The following TMEM132D variants were observed in gnomAD, a reference collection of about 807,000 sequenced individuals.
TMEM132D encodes transmembrane protein 132D.
In TMEM132D, 21 loss-of-function variants were observed where a neutral mutation model predicts 62.3. The ratio of observed to expected loss-of-function variants is 0.34; its 90% confidence interval spans 0.24 to 0.49. The LOEUF (loss-of-function observed/expected upper bound fraction) is 0.49, where lower values mean the gene tolerates loss of function less well. Ranked by LOEUF, TMEM132D falls within the 20% of genes least tolerant of loss-of-function variation. The pLI is 0.99. For synonymous variants in TMEM132D, 621 were observed against 575.6 expected, an observed-to-expected ratio of 1.08 and a Z score of -1.13; for missense variants, 1,346 against 1,402.8, an observed-to-expected ratio of 0.96 and a Z score of 0.65.
At chr12:129,430,567 A>C (rs1872627777) in intron 3 of TMEM132D, among the ~76,000 whole-genome samples, 2 of 152,104 alleles carry the variant, frequency 1.3e-5, no homozygotes, top group Non-Finnish European at 2.9e-5. Flanking sequence ...ACTCCCAAAG[A>C]GCTAGATTAC....
chr12:129,334,514 A>G (rs538101586), intron 4 of TMEM132D, among the ~76,000 whole-genome samples: 3 of 152,332 alleles, frequency 2.0e-5, no homozygotes, highest in South Asian at 4.2e-4. Context: ...ACCACTACCA[A>G]TACAAAAGGT....
intron 2 of TMEM132D, among the ~76,000 whole-genome samples, chr12:129,686,257 C>T (rs904950578): frequency 6.6e-6 from 1 of 152,072 alleles, no homozygotes; most frequent in Non-Finnish European, 1.5e-5. Flanking sequence ...CCCATGATCC[C>T]CACGTGTTGT....
chr12:129,491,329 T>C (rs1197869981), intron 3 of TMEM132D, among the ~76,000 whole-genome samples: 3 of 152,220 alleles, frequency 2.0e-5, no homozygotes, highest in Non-Finnish European at 4.4e-5. Context: ...ATCATATTTA[T>C]TTCACCAACA....
At chr12:129,520,330 G>A (rs1875813409) in intron 3 of TMEM132D, among the ~76,000 whole-genome samples, 1 of 152,128 alleles carries the variant, frequency 6.6e-6, no homozygotes, top group South Asian at 2.1e-4. Flanking sequence ...TAATCCTTCT[G>A]TAAGACCTCC....
At position 129,882,980 on chromosome 12, in the gene TMEM132D, A is replaced by G. The variant is rs553975070; in HGVS notation, c.79+20281T>C. On this transcript the variant is annotated intron_variant, in intron 1 of 8. Transcript: ENST00000422113. ...AAGTTTGGGAATAGAGAAAAGATGT[A>G]TGCTCTCACCACTCTTATTCAACAC... Among the ~76,000 whole-genome samples the G allele has an allele frequency of 3.9e-5, 6 of 152,328 alleles. No individual in the cohort carries two copies. The South Asian group carries it at 1.2e-3, about 32-fold the overall frequency.
intron 6 of TMEM132D, among the ~76,000 whole-genome samples, chr12:129,083,499 C>CAATA (rs1874517746): frequency 6.6e-6 from 1 of 152,132 alleles, no homozygotes; most frequent in Admixed American, 6.5e-5. Flanking sequence ...ACCCTCAACT[C>CAATA]AATACCAGAA....
intron 1 of TMEM132D, among the ~76,000 whole-genome samples, chr12:129,773,482 G>A (rs1870822555): frequency 6.6e-6 from 1 of 152,156 alleles, no homozygotes; most frequent in South Asian, 2.1e-4. Flanking sequence ...AGAAAGGTTG[G>A]TCGGTTGAGT....
At chr12:129,462,784 G>A (rs969717960) in intron 3 of TMEM132D, among the ~76,000 whole-genome samples, 2 of 152,150 alleles carry the variant, frequency 1.3e-5, no homozygotes, top group East Asian at 1.9e-4. Flanking sequence ...GATTACAAAC[G>A]AGACTTTGAG....
chr12:129,118,317 T>C (rs1875956877), intron 5 of TMEM132D, among the ~76,000 whole-genome samples: 2 of 152,356 alleles, frequency 1.3e-5, no homozygotes, highest in African/African-American at 2.4e-5. Context: ...TGAGTTATTA[T>C]GAAACATCCC....
chr12:129,871,341 C>T, intron 1 of TMEM132D, among the ~76,000 whole-genome samples: 1 of 151,862 alleles, frequency 6.6e-6, no homozygotes. Flanking sequence ...GCAAGTCTGC[C>T]CAAGAGTGAA....
chr12:129,341,235 T>C (rs902159483), intron 3 of TMEM132D, among the ~76,000 whole-genome samples: 11 of 152,272 alleles, frequency 7.2e-5, no homozygotes, highest in African/African-American at 2.4e-4. Context: ...ATGGTGGTCA[T>C]ATTTATCTTG....
At chr12:129,826,108 C>T (rs1452949514) in intron 1 of TMEM132D, among the ~76,000 whole-genome samples, 2 of 152,086 alleles carry the variant, frequency 1.3e-5, no homozygotes, top group South Asian at 2.1e-4. Context: ...CAGTAGTGGT[C>T]CTGAGACTTG....
At chr12:129,862,458 G>A (rs1048228461) in intron 1 of TMEM132D, among the ~76,000 whole-genome samples, 2 of 152,192 alleles carry the variant, frequency 1.3e-5, no homozygotes, top group African/African-American at 2.4e-5. Flanking sequence ...TCTGCACAGA[G>A]CAAACCTGCC....
At chr12:129,681,275 T>G (rs1468527232) in intron 2 of TMEM132D, among the ~76,000 whole-genome samples, 1 of 152,204 alleles carries the variant, frequency 6.6e-6, no homozygotes, top group African/African-American at 2.4e-5. Flanking sequence ...AACCCAGTGG[T>G]TTAAAATGCC....
rs1228990031 is a variant in TMEM132D at position 129,188,754 on chromosome 12, GGAGAGAGGGAGAGAGAGAGA to G, written c.1443+20746_1443+20765del. 1.5e-3 allele frequency among the ~76,000 whole-genome samples: 190 copies of G among 122,582 alleles called. 1 individual carries two copies. Among genetic ancestry groups the G allele is most frequent in the African/African-American group, 5.5e-3 (160 of 28,878 alleles). 80.4% of individuals were successfully genotyped at this position (122,582 alleles called of 152,430 possible). A position where few individuals can be genotyped will look rare whatever the true frequency, so the allele number is the denominator to read the frequency against. ...GAGAGGGAAGGAGGGAGAGGGGGAGGGAGAGAGGGAGAGAGAGAGAGAGAGAGAGAGAGAGAGAGAGAGAG... is the reference window on the plus strand; with the variant it reads ...GAGAGGGAAGGAGGGAGAGGGGGAGGGAGAGAGAGAGAGAGAGAGAGAGAG... On this transcript the variant is annotated intron_variant, in intron 5 of 8. Coordinates refer to ENST00000422113, the MANE Select transcript of TMEM132D (RefSeq NM_133448.3).
At chr12:129,416,035 C>T (rs576412067) in intron 3 of TMEM132D, among the ~76,000 whole-genome samples, 1 of 152,128 alleles carries the variant, frequency 6.6e-6, no homozygotes, top group South Asian at 2.1e-4. Context: ...GAGAATGAGG[C>T]CTTATTTGAA....
At chr12:129,648,559 G>A (rs1879845799) in intron 2 of TMEM132D, among the ~76,000 whole-genome samples, 1 of 152,132 alleles carries the variant, frequency 6.6e-6, no homozygotes, top group African/African-American at 2.4e-5. Context: ...TACAGTTCAA[G>A]GCAAAGCCTG....
Position 129,585,847 on chromosome 12 carries a change from G to C in TMEM132D, c.969-54642C>G, listed in dbSNP as rs1593076599. On this transcript the variant is annotated intron_variant, in intron 2 of 8. Transcript: ENST00000422113. ...TGTGTGTGTGTGTGTGTGTCTGTGT[G>C]TGTGTGAGGGGGTATATCTTGATAA... Among the ~76,000 whole-genome samples the C allele has an allele frequency of 2.6e-5, 4 of 151,556 alleles. No homozygotes were observed. In the South Asian group the frequency reaches 8.3e-4, roughly 31 times the overall value.
At chr12:129,864,904 T>G (rs1038831312) in intron 1 of TMEM132D, among the ~76,000 whole-genome samples, 4 of 152,156 alleles carry the variant, frequency 2.6e-5, no homozygotes, top group Admixed American at 6.5e-5. Context: ...CCACAACCAA[T>G]TAGACAAGGT....
Sources: gnomAD v4.1 joint callset for allele counts (sites outside exome capture counted in the v4.1 genomes callset) on GRCh38, gnomAD v4.1.1 for gene constraint, MANE v1.5 for transcripts, NCBI Gene and HGNC (gene_info 2026-07-23, HGNC 2026-07-21) for gene names.